FCHO1: variants seen among roughly 807,000 people sequenced by gnomAD.
FCHO1 encodes the protein FCH and mu domain containing endocytic adaptor 1.
In FCHO1, 45 loss-of-function variants were observed where a neutral mutation model predicts 114.4. The observed-to-expected ratio is 0.39, with a 90% CI of 0.31 to 0.50. The LOEUF (loss-of-function observed/expected upper bound fraction) is 0.50. FCHO1 is among the 20% of genes least tolerant of loss of function. The pLI is 0.77. For synonymous variants in FCHO1, 480 were observed against 488.9 expected (o/e 0.98, Z 0.24); for missense variants, 1,042 against 1,209.6 (o/e 0.86, Z 2.06).
chr19:17,775,205 T>G lies in FCHO1; in HGVS notation c.945+125T>G. The G allele has an allele frequency of 2.7e-6, 3 of 1,129,528 alleles. No homozygotes were observed. Among genetic ancestry groups the G allele is most frequent in the Non-Finnish European group, 3.8e-6 (3 of 783,326 alleles). 70.0% of individuals were successfully genotyped at this position (1,129,528 alleles called of 1,614,324 possible). A position where few individuals can be genotyped will look rare whatever the true frequency, so the allele number is the denominator to read the frequency against. ...CGAGATTGAGGGGCGGGCTGGAGCC[T>G]GGGGGCTGGGTTCATATCCCACCTC... On this transcript the variant is annotated intron_variant, in intron 14 of 28. Transcript: ENST00000596536. This position sits in a 1 kb window ranked among gnomAD's most constrained non-coding sequence, Gnocchi z 5.1.
intron 13 of FCHO1, 194 bp from the exon 14 acceptor site, chr19:17,774,862 A>G (rs2092389488): frequency 1.7e-6 from 1 of 605,328 alleles, no homozygotes; most frequent in South Asian, 2.1e-5. Context: ...GTTTGAGAAC[A>G]CTCTCTACTC....
Position 17,778,719 on chromosome 19 carries a change from T to C in FCHO1, c.1462T>C (p.Ser488Pro). 1 of 1,544,112 alleles carries C rather than the reference T, an allele frequency of 6.5e-7. No homozygotes were observed. The highest frequency in any genetic ancestry group is 8.7e-7 in the Non-Finnish European group (1 of 1,149,634). ...TCCGTCCCACGCGGCACCTGGCCCC[T>C]CCCCAGATTCCTGGGTCCCCCGCCC... ...DSPSHAAPGPSPDSWVPRPGT... is the reference protein window; with the variant it reads ...DSPSHAAPGPPPDSWVPRPGT... The change falls in exon 20 of 29, where the codon TCC becomes CCC. Residue 488 changes from serine (S) to proline (P), a missense_variant. By Grantham distance (74) the Ser-to-Pro change is moderately conservative (BLOSUM62 -1). This residue lies in a region of FCHO1 where 455 missense variants were observed against 455.4 expected (regional missense o/e 1.00). Transcript: ENST00000596536.
rs2093683935 is a variant in FCHO1 at position 17,784,346 on chromosome 19, C to G, written c.2226+111C>G. 10 of 1,342,762 alleles carry G rather than the reference C, an allele frequency of 7.4e-6. No individual in the cohort carries two copies. Among genetic ancestry groups the G allele is most frequent in the Non-Finnish European group, 1.0e-5 (10 of 987,284 alleles). The allele number at this position is 1,342,762 out of a possible 1,614,324, so 83.2% of individuals were successfully genotyped here. On this transcript the variant is annotated intron_variant, in intron 25 of 28. Coordinates refer to ENST00000596536, the MANE Select transcript of FCHO1 (RefSeq NM_015122.3). This position sits in a 1 kb window ranked among gnomAD's most constrained non-coding sequence, Gnocchi z 5.3. ...GGCCAGGCTGGTCTCGAATTCCTGA[C>G]CTCAAGAGATCCAATCTGTGAGAGC...
rs1219326029 is a variant in FCHO1 at position 17,784,742 on chromosome 19, C to T, written c.2244C>T (p.Pro748=). Residue 748 remains proline (P), a synonymous_variant, in exon 26 of 29, where the codon CCC becomes CCT. Transcript: ENST00000596536. The surrounding 1 kb of genome is among the most constrained non-coding windows in gnomAD (Gnocchi z 5.3). Reference sequence around the variant, plus strand: ...CTTCCTAGTTCTCCCGCCCGGGTCCCCAGTCTGTGCCTCTGCAGCTCAGTG... The same window carrying T: ...CTTCCTAGTTCTCCCGCCCGGGTCCTCAGTCTGTGCCTCTGCAGCTCAGTG... The part of the protein sequence containing the change: ...LLRYQFSRPG[P]QSVPLQLSAH... The T allele has an allele frequency of 1.2e-5, 19 of 1,614,084 alleles. No individual in the cohort carries two copies. Among genetic ancestry groups the T allele is most frequent in the East Asian group, 4.5e-5 (2 of 44,880 alleles).
Position 17,778,746 on chromosome 19 carries a change from G to A in FCHO1, c.1489G>A (p.Gly497Ser), listed in dbSNP as rs1408217526. The change falls in exon 20 of 29, where the codon GGC becomes AGC. Residue 497 changes from glycine to serine, a missense_variant. Coordinates refer to ENST00000596536, the MANE Select transcript of FCHO1 (RefSeq NM_015122.3). The part of the protein sequence containing the change: ...PSPDSWVPRP[G>S]TPQSPPSCRA... Reference sequence around the variant, plus strand: ...CCCAGATTCCTGGGTCCCCCGCCCAGGCACCCCGCAGAGCCCGCCCAGCTG... The same window carrying A: ...CCCAGATTCCTGGGTCCCCCGCCCAAGCACCCCGCAGAGCCCGCCCAGCTG... 18 of 1,539,784 alleles carry A rather than the reference G, an allele frequency of 1.2e-5. No individual in the cohort carries two copies. Among genetic ancestry groups the A allele is most frequent in the Non-Finnish European group, 1.6e-5 (18 of 1,147,806 alleles).
intron 6 of FCHO1, 100 bp downstream of exon 6, chr19:17,764,549 C>G (rs1749275389): frequency 2.2e-6 from 2 of 911,324 alleles, no homozygotes; most frequent in Admixed American, 2.9e-5. Context: ...TGTCATCCAC[C>G]TCGATTATGG....
chr19:17,787,997 G>T, intron 28 of FCHO1, 151 bp downstream of exon 28: 1 of 1,008,808 alleles, frequency 9.9e-7, no homozygotes, highest in East Asian at 2.6e-5. Flanking sequence ...GGCACAGGTG[G>T]GCAAGGAGGC....
chr19:17,777,225 GTGACTCCAGATTTTA>G (rs1250033329), intron 18 of FCHO1, among the ~76,000 whole-genome samples: 1 of 152,036 alleles, frequency 6.6e-6, no homozygotes, highest in Non-Finnish European at 1.5e-5. Context: ...TCACATTCTA[GTGACTCCAGATTTTA>G]AGAATAGCAA....
At position 17,769,274 on chromosome 19, in the gene FCHO1, C is replaced by CAAAAAAAAAAAA. The variant is rs34490038; in HGVS notation, c.337-1142_337-1131dup. On this transcript the variant is annotated intron_variant, in intron 7 of 28. Coordinates refer to ENST00000596536, the MANE Select transcript of FCHO1 (RefSeq NM_015122.3). ...TGGGTGAAAGAGCAAGACTCCGCCTCAAAAAAAAAAAAAAAAAAAAGGCCT... is the reference window on the plus strand; with the variant it reads ...TGGGTGAAAGAGCAAGACTCCGCCTCAAAAAAAAAAAAAAAAAAAAAAAAAAAAAAAAGGCCT... Among the ~76,000 whole-genome samples the CAAAAAAAAAAAA allele has an allele frequency of 1.7e-4, 9 of 51,814 alleles. 1 individual carries two copies. Among genetic ancestry groups the CAAAAAAAAAAAA allele is most frequent in the African/African-American group, 8.2e-4 (9 of 11,040 alleles). The allele number at this position is 51,814 out of a possible 152,430, so 34.0% of individuals were successfully genotyped here.
chr19:17,768,360 G>T (rs1013884598), intron 7 of FCHO1, among the ~76,000 whole-genome samples: 6 of 151,244 alleles, frequency 4.0e-5, no homozygotes, highest in South Asian at 2.1e-4. Context: ...GTGAGCCACC[G>T]CGCCTGGCTT....
chr19:17,783,127 C>G lies in FCHO1; in HGVS notation c.2048C>G (p.Thr683Arg), dbSNP rs374557190. ...GTCCTCAGCTTCCGGCTTGTACACA[C>G]AACCGCTATTGAGCACTTCCAGCCC... ...PPVLSFRLVH[T>R]TAIEHFQPNA... Residue 683 changes from threonine (T) to arginine (R), a missense_variant, in exon 24 of 29, where the codon ACA (threonine) becomes AGA (arginine). Around this residue, in one of 3 missense-constraint regions of FCHO1, gnomAD observed 455 missense variants for 455.4 expected, o/e 1.00. Coordinates refer to ENST00000596536, the MANE Select transcript of FCHO1 (RefSeq NM_015122.3). 70 of 1,614,088 alleles carry G rather than the reference C, an allele frequency of 4.3e-5. No homozygotes were observed. Among genetic ancestry groups the G allele is most frequent in the Non-Finnish European group, 5.7e-5 (67 of 1,180,050 alleles).
chr19:17,747,788 G>A (rs2080877771), upstream of FCHO1: 1 of 152,086 alleles, frequency 6.6e-6, no homozygotes, highest in South Asian at 2.1e-4. Flanking sequence ...GTGGCGGCGA[G>A]CGCGGGGCTC....
chr19:17,769,593 AC>A (rs2090785231), intron 7 of FCHO1, among the ~76,000 whole-genome samples: 1 of 40,190 alleles, frequency 2.5e-5, no homozygotes, highest in African/African-American at 6.8e-5. Flanking sequence ...ACACACACAC[AC>A]ACACACACAC....
At chr19:17,787,582 C>G in intron 27 of FCHO1, 100 bp from the exon 28 acceptor site, 1 of 1,349,266 alleles carries the variant, frequency 7.4e-7, no homozygotes, top group Non-Finnish European at 9.9e-7. Flanking sequence ...CACATAAAGG[C>G]CACAGAACAG....
Position 17,776,350 on chromosome 19 carries a change from G to T in FCHO1, c.1207+79G>T. 1.3e-6 allele frequency: 2 copies of T among 1,576,206 alleles called. No individual in the cohort carries two copies. Among genetic ancestry groups the T allele is most frequent in the Non-Finnish European group, 1.7e-6 (2 of 1,145,648 alleles). Reference sequence around the variant, plus strand: ...GGGTTTGGGCTTGAATCATAACTCCGTTTTGTAACTTTGGGCAGGCTGCTT... The same window carrying T: ...GGGTTTGGGCTTGAATCATAACTCCTTTTTGTAACTTTGGGCAGGCTGCTT... On this transcript the variant is annotated intron_variant, in intron 17 of 28. Coordinates refer to ENST00000596536, the MANE Select transcript of FCHO1 (RefSeq NM_015122.3). The surrounding 1 kb of genome is among the most constrained non-coding windows in gnomAD (Gnocchi z 4.4).
At chr19:17,778,319 A>G in intron 19 of FCHO1, 91 bp downstream of exon 19, 1 of 1,139,878 alleles carries the variant, frequency 8.8e-7, no homozygotes, top group South Asian at 1.2e-5. Flanking sequence ...GGTCCCCTGG[A>G]AGCCAGGCTG....
intron 7 of FCHO1, among the ~76,000 whole-genome samples, chr19:17,767,202 C>G (rs2089588097): frequency 6.6e-6 from 1 of 151,866 alleles, no homozygotes; most frequent in Non-Finnish European, 1.5e-5. Context: ...TGCCTCAGCC[C>G]CCACAGAATA....
At position 17,762,557 on chromosome 19, in the gene FCHO1, C is replaced by T. The variant is rs2086740464; in HGVS notation, c.28-205C>T. On this transcript the variant is annotated intron_variant, in intron 4 of 28. Transcript: ENST00000596536. ...AGCAACTATAGGACAAAAAGAAAAT[C>T]CCAGGCTTCTCTCTGATTGGACAAA... is the stretch of plus-strand genomic sequence containing the variant. The T allele has an allele frequency of 2.8e-5, 16 of 570,930 alleles. No homozygotes were observed. The South Asian group carries it at 3.6e-4, about 13-fold the overall frequency. The allele number at this position is 570,930 out of a possible 1,614,324, so 35.4% of individuals were successfully genotyped here. A position where few individuals can be genotyped will look rare whatever the true frequency, so the allele number is the denominator to read the frequency against.
intron 20 of FCHO1, among the ~76,000 whole-genome samples, chr19:17,779,997 A>G: frequency 6.6e-6 from 1 of 150,392 alleles, no homozygotes; most frequent in African/African-American, 2.5e-5. Context: ...GTCTGAGGAG[A>G]ATGGGAAGCC....
Sources: allele counts gnomAD v4.1 joint callset (sites outside exome capture counted in the v4.1 genomes callset), GRCh38; gene constraint gnomAD v4.1.1; regional missense constraint gnomAD v4.1.1; non-coding constraint Gnocchi (gnomAD v3.1); transcripts MANE v1.5; gene names NCBI Gene and HGNC (gene_info 2026-07-23, HGNC 2026-07-21).